Variants in PDE7B observed in about 807,000 individuals in gnomAD.
PDE7B encodes 3',5'-cyclic-AMP phosphodiesterase 7B.
A neutral mutation model predicts 56.2 loss-of-function variants in PDE7B; 29 were observed. The observed-to-expected ratio is 0.52, with a 90% CI of 0.38 to 0.70. PDE7B has a LOEUF of 0.70. Among genes scored for constraint, PDE7B ranks in the 30% least tolerant of loss-of-function variants. The probability of loss-of-function intolerance (pLI) is 0.00; values close to 1 mark genes in which losing one functional copy is unlikely to be tolerated. For synonymous variants in PDE7B, 197 were observed against 196.9 expected, an observed-to-expected ratio of 1.00 and a Z score of 0.00; for missense variants, 490 against 565.0, an observed-to-expected ratio of 0.87 and a Z score of 1.35.
chr6:136,128,011 AC>A (rs1209596036), intron 3 of PDE7B, among the ~76,000 whole-genome samples: 4 of 152,228 alleles, frequency 2.6e-5, no homozygotes, highest in Admixed American at 2.6e-4. Context: ...TCATTCTTAA[AC>A]AGTGTGAAAT....
chr6:136,035,967 C>CAAAAT (rs1192776126), intron 2 of PDE7B, among the ~76,000 whole-genome samples: 1 of 151,942 alleles, frequency 6.6e-6, no homozygotes, highest in African/African-American at 2.4e-5. Context: ...AGTACTATTG[C>CAAAAT]AAAATAACTG....
intron 2 of PDE7B, among the ~76,000 whole-genome samples, chr6:136,029,923 A>G (rs573978885): frequency 6.6e-6 from 1 of 152,222 alleles, no homozygotes; most frequent in Admixed American, 6.5e-5. Flanking sequence ...TGTTGTATAC[A>G]TACTACATGT....
At chr6:136,006,889 A>C (rs1775794773) in intron 2 of PDE7B, among the ~76,000 whole-genome samples, 1 of 152,018 alleles carries the variant, frequency 6.6e-6, no homozygotes, top group Non-Finnish European at 1.5e-5. Context: ...TTTCCAATTT[A>C]GATGCCTTAT....
rs112494957 is a variant in PDE7B, at chr6:136,134,701, C to G, written c.167-12650C>G. ...CCCTGAACCCCGGATGTCAGAGATT[C>G]AACCCATTCGTTGGGATGGAGTTTA... On this transcript the variant is annotated intron_variant, in intron 3 of 12. Coordinates refer to ENST00000308191, the MANE Select transcript of PDE7B (RefSeq NM_018945.4). 9.8e-3 allele frequency among the ~76,000 whole-genome samples: 1,257 copies of G among 128,854 alleles called. 20 individuals carry two copies. The highest frequency in any genetic ancestry group is 0.011 in the South Asian group (44 of 3,874). 84.5% of individuals were successfully genotyped at this position (128,854 alleles called of 152,430 possible).
intron 2 of PDE7B, among the ~76,000 whole-genome samples, chr6:135,977,910 G>C (rs1391615689): frequency 6.6e-6 from 1 of 152,062 alleles, no homozygotes; most frequent in Non-Finnish European, 1.5e-5. Context: ...CCAACAGATT[G>C]AGAACAATAC....
At chr6:135,931,935 GCACACACACACGCGCGCGCACACACA>G (rs1233873235) in intron 1 of PDE7B, among the ~76,000 whole-genome samples, 1 of 111,206 alleles carries the variant, frequency 9.0e-6, no homozygotes, top group Non-Finnish European at 1.8e-5. Context: ...TTGTTACCGC[GCACACACACACGCGCGCGCACACACA>G]CACACACACA....
At chr6:136,093,126 G>A (rs1777416901) in intron 2 of PDE7B, among the ~76,000 whole-genome samples, 1 of 152,174 alleles carries the variant, frequency 6.6e-6, no homozygotes, top group Non-Finnish European at 1.5e-5. Flanking sequence ...AATGATCTCT[G>A]TAAAGTATCT....
At chr6:136,179,611 T>G (rs1275023683) in intron 10 of PDE7B, among the ~76,000 whole-genome samples, 1 of 152,250 alleles carries the variant, frequency 6.6e-6, no homozygotes, top group Non-Finnish European at 1.5e-5. Flanking sequence ...CTACCGCATT[T>G]GGTGGCTTGG....
At chr6:135,874,274 C>A (rs1775447978) in intron 1 of PDE7B, among the ~76,000 whole-genome samples, 1 of 152,108 alleles carries the variant, frequency 6.6e-6, no homozygotes, top group African/African-American at 2.4e-5. Context: ...TAATTTCTAT[C>A]CTTGGTCTAA....
At chr6:135,871,894 A>T (rs746281348) in intron 1 of PDE7B, among the ~76,000 whole-genome samples, 1 of 152,236 alleles carries the variant, frequency 6.6e-6, no homozygotes, top group Non-Finnish European at 1.5e-5. Flanking sequence ...GCCTCATATC[A>T]TCTCTTGGTT....
chr6:136,059,923 T>C (rs377765327), intron 2 of PDE7B, among the ~76,000 whole-genome samples: 44 of 152,314 alleles, frequency 2.9e-4, no homozygotes, highest in Middle Eastern at 3.4e-3. Flanking sequence ...ACCTGAACTC[T>C]GCCAAGCTTG....
At chr6:136,087,480 G>T (rs1400181721) in intron 2 of PDE7B, among the ~76,000 whole-genome samples, 1 of 152,126 alleles carries the variant, frequency 6.6e-6, no homozygotes, top group Admixed American at 6.5e-5. Flanking sequence ...AGTAAGAAGA[G>T]CAAGAGACAT....
intron 10 of PDE7B, among the ~76,000 whole-genome samples, 192 bp downstream of exon 10, chr6:136,179,333 C>T (rs1192921089): frequency 6.6e-6 from 1 of 151,990 alleles, no homozygotes; most frequent in Non-Finnish European, 1.5e-5. Flanking sequence ...AGAGTGAGAT[C>T]CTGTCTCTAA....
chr6:135,984,252 G>A (rs762048421), intron 2 of PDE7B, among the ~76,000 whole-genome samples: 3 of 152,126 alleles, frequency 2.0e-5, no homozygotes, highest in Non-Finnish European at 2.9e-5. Context: ...GTTATTCATC[G>A]GAAGACCTGA....
chr6:136,052,442 A>C lies in PDE7B; in HGVS notation c.83-56289A>C, dbSNP rs866229221. ...AGTTGAAGTAAATGGGAAGAGGTGA[A>C]CCAGCTGGGGAGAGTTTTGCAGGCT... On this transcript the variant is annotated intron_variant, in intron 2 of 12. Coordinates refer to ENST00000308191, the MANE Select transcript of PDE7B (RefSeq NM_018945.4). Among the ~76,000 whole-genome samples, 10 of 152,190 alleles carry C rather than the reference A, an allele frequency of 6.6e-5. No individual in the cohort carries two copies. The South Asian group carries it at 1.5e-3, about 22-fold the overall frequency.
At chr6:136,081,758 A>C (rs1190257755) in intron 2 of PDE7B, among the ~76,000 whole-genome samples, 1 of 152,244 alleles carries the variant, frequency 6.6e-6, no homozygotes, top group Non-Finnish European at 1.5e-5. Flanking sequence ...ACTGGGATTT[A>C]TTCTGTGCTG....
chr6:135,868,131 G>A (rs1775299813), intron 1 of PDE7B, among the ~76,000 whole-genome samples: 1 of 151,368 alleles, frequency 6.6e-6, no homozygotes, highest in Non-Finnish European at 1.5e-5. Flanking sequence ...CCCAAATTAT[G>A]TCATTTATCT....
intron 2 of PDE7B, among the ~76,000 whole-genome samples, chr6:136,000,071 C>T (rs538476940): frequency 7.9e-5 from 12 of 152,236 alleles, no homozygotes; most frequent in Admixed American, 7.8e-4. Context: ...ATGTCCTTTG[C>T]CTACTTTTTA....
Position 136,139,116 on chromosome 6 carries a change from C to G in PDE7B, c.167-8235C>G, listed in dbSNP as rs1778268175. Among the ~76,000 whole-genome samples the G allele has an allele frequency of 2.6e-5, 4 of 152,110 alleles. No individual in the cohort carries two copies. In the South Asian group the frequency reaches 8.3e-4, roughly 32 times the overall value. Reference sequence around the variant, plus strand: ...GCATATCTCCTAATGCTATCCCTCCCCCTTCCCCCGACGCCACAACAGGCC... The same window carrying G: ...GCATATCTCCTAATGCTATCCCTCCGCCTTCCCCCGACGCCACAACAGGCC... On this transcript the variant is annotated intron_variant, in intron 3 of 12. Transcript: ENST00000308191.
Sources: gnomAD v4.1 joint callset for allele counts (sites outside exome capture counted in the v4.1 genomes callset) on GRCh38, gnomAD v4.1.1 for gene constraint, MANE v1.5 for transcripts, NCBI Gene and HGNC (gene_info 2026-07-23, HGNC 2026-07-21) for gene names.